The following TMEM61 variants were observed in gnomAD, a reference collection of about 807,000 sequenced individuals.
TMEM61 encodes the protein transmembrane protein 61.
A neutral mutation model predicts 12.0 loss-of-function variants in TMEM61; 13 were observed. The ratio of observed to expected loss-of-function variants is 1.08; its 90% CI spans 0.70 to 1.72. The LOEUF (loss-of-function observed/expected upper bound fraction) is 1.72, where lower values mean the gene tolerates loss of function less well. Ranked by LOEUF, TMEM61 falls within the 40% of genes most tolerant of loss-of-function variation. The pLI, the probability that TMEM61 is intolerant of heterozygous loss-of-function variation, is 0.00. For synonymous variants in TMEM61, 109 were observed against 121.4 expected, an observed-to-expected ratio of 0.90 and a Z score of 0.67; for missense variants, 249 against 276.9, an observed-to-expected ratio of 0.90 and a Z score of 0.71.
At position 54,986,225 on chromosome 1, in the gene TMEM61, C is replaced by A. The variant is rs757809970; in HGVS notation, c.144C>A (p.Gly48=). The change falls in exon 2 of 3, where the codon GGC becomes GGA. Residue 48 remains glycine (G), a synonymous_variant. Transcript: ENST00000371268. ...WSEGDATAQP[G]QLAPPTEYPV... ...AAGGGGATGCAACCGCCCAGCCTGG[C>A]CAGCTGGCCCCACCCACGGAGTATC... is the stretch of plus-strand genomic sequence containing the variant. 1.4e-5 allele frequency: 22 copies of A among 1,613,686 alleles called. No homozygotes were observed. The South Asian group carries it at 2.4e-4, about 18-fold the overall frequency.
rs140158363 is a variant in TMEM61 at position 54,981,065 on chromosome 1, G to T, written c.-1G>T. ...GGACAGCGCCTGCTGCCCGCCTCCC[G>T]ATGGCCCTGCCCCAGGTGGGTGGAA... On this transcript the variant is annotated 5_prime_UTR_variant, in exon 1 of 3. Transcript: ENST00000371268. The T allele has an allele frequency of 2.8e-5, 44 of 1,584,560 alleles. No individual in the cohort carries two copies. The East Asian group carries it at 1.0e-3, about 36-fold the overall frequency.
chr1:54,989,248 G>A (rs1014331493), intron 2 of TMEM61, among the ~76,000 whole-genome samples: 8 of 152,220 alleles, frequency 5.3e-5, no homozygotes, highest in African/African-American at 1.4e-4. Context: ...GCAGTCAGAC[G>A]AAGCTGGGGC....
intron 1 of TMEM61, among the ~76,000 whole-genome samples, chr1:54,984,288 C>T (rs1644243971): frequency 6.6e-6 from 1 of 152,232 alleles, no homozygotes; most frequent in African/African-American, 2.4e-5. Flanking sequence ...TCTGTGGCCC[C>T]CGCTGCCTGC....
At chr1:54,984,285 C>T (rs1644243920) in intron 1 of TMEM61, among the ~76,000 whole-genome samples, 1 of 152,202 alleles carries the variant, frequency 6.6e-6, no homozygotes. Flanking sequence ...AGGTCTGTGG[C>T]CCCCGCTGCC....
In TMEM61 at chr1:54,981,081, G is replaced by A. The variant is rs1181473987; in HGVS notation, c.15+1G>A. 1.3e-6 allele frequency: 2 copies of A among 1,588,768 alleles called. No homozygotes were observed. Among genetic ancestry groups the A allele is most frequent in the Middle Eastern group, 1.7e-4 (1 of 6,048 alleles). On this transcript the variant is annotated splice_donor_variant, in intron 1 of 2. Transcript: ENST00000371268. LOFTEE classifies it high-confidence loss of function. Reference sequence around the variant, plus strand: ...CCGCCTCCCGATGGCCCTGCCCCAGGTGGGTGGAAACGGCCTTCTCCCTCC... The same window carrying A: ...CCGCCTCCCGATGGCCCTGCCCCAGATGGGTGGAAACGGCCTTCTCCCTCC...
intron 2 of TMEM61, among the ~76,000 whole-genome samples, chr1:54,988,739 G>A (rs1247341966): frequency 6.6e-6 from 1 of 152,202 alleles, no homozygotes; most frequent in Non-Finnish European, 1.5e-5. Context: ...TATTGATTGA[G>A]CACACGTAGG....
chr1:54,981,219 A>G (rs1489212071), intron 1 of TMEM61, 139 bp downstream of exon 1: 8 of 948,112 alleles, frequency 8.4e-6, no homozygotes, highest in Non-Finnish European at 1.2e-5. Flanking sequence ...CCTGGGTTTT[A>G]TCTTGCTGGG....
At chr1:54,988,485 C>T (rs1300277341) in intron 2 of TMEM61, among the ~76,000 whole-genome samples, 1 of 152,242 alleles carries the variant, frequency 6.6e-6, no homozygotes, top group Non-Finnish European at 1.5e-5. Flanking sequence ...TGGAGGTGCT[C>T]TTTCCTGTCC....
chr1:54,981,737 G>T (rs1364203307), intron 1 of TMEM61, among the ~76,000 whole-genome samples: 1 of 152,090 alleles, frequency 6.6e-6, no homozygotes, highest in East Asian at 1.9e-4. Flanking sequence ...TCTGTCCTCC[G>T]GACTCTCCTG....
intron 1 of TMEM61, among the ~76,000 whole-genome samples, chr1:54,983,131 T>TTTTTTTG (rs1644235283): frequency 6.8e-6 from 1 of 146,904 alleles, no homozygotes; most frequent in Non-Finnish European, 1.5e-5. Context: ...TGTTTTTTTT[T>TTTTTTTG]GAGAAAGAGT....
chr1:54,991,946 G>T lies in TMEM61; in HGVS notation c.476G>T (p.Ser159Ile), dbSNP rs1464398154. 6.2e-7 allele frequency: 1 copy of T among 1,614,102 alleles called. No individual in the cohort carries two copies. The highest frequency in any genetic ancestry group is 8.5e-7 in the Non-Finnish European group (1 of 1,180,050). Reference sequence around the variant, plus strand: ...CCTACGGAGGAAGCCCTGGAGCCAAGTGGATCGAGGGATGCCCTGCTCAGC... The same window carrying T: ...CCTACGGAGGAAGCCCTGGAGCCAATTGGATCGAGGGATGCCCTGCTCAGC... Reference protein sequence around the residue: ...AYPTEEALEPSGSRDALLSTQ... With the variant: ...AYPTEEALEPIGSRDALLSTQ... Residue 159 changes from serine (S) to isoleucine (I), a missense_variant, in exon 3 of 3, where the codon AGT becomes ATT. Ser to Ile is a moderately radical substitution (Grantham distance 142). Transcript: ENST00000371268.
At chr1:54,984,229 C>A (rs1570257826) in intron 1 of TMEM61, among the ~76,000 whole-genome samples, 1 of 152,210 alleles carries the variant, frequency 6.6e-6, no homozygotes, top group Non-Finnish European at 1.5e-5. Context: ...GTTGGCTGGG[C>A]AAGCCCCACT....
chr1:54,981,142 G>A (rs1309709390), intron 1 of TMEM61, 62 bp downstream of exon 1: 3 of 1,536,312 alleles, frequency 2.0e-6, no homozygotes, highest in Admixed American at 2.0e-5. Flanking sequence ...CGTCGACCTT[G>A]CCCCGACCCC....
chr1:54,991,679 T>C (rs1175734382), intron 2 of TMEM61, among the ~76,000 whole-genome samples, 157 bp from the exon 3 acceptor site: 1 of 152,190 alleles, frequency 6.6e-6, no homozygotes, highest in Non-Finnish European at 1.5e-5. Context: ...GGCTGGCTCA[T>C]GCCAAGTTTC....
At chr1:54,990,449 C>G (rs1010656285) in intron 2 of TMEM61, among the ~76,000 whole-genome samples, 4 of 152,084 alleles carry the variant, frequency 2.6e-5, no homozygotes, top group Non-Finnish European at 5.9e-5. Context: ...GGGTGCTGGG[C>G]GTTCACCTGA....
In TMEM61 at chr1:54,986,243, G is replaced by C. The variant is rs922467669; in HGVS notation, c.162G>C (p.Thr54=). The part of the protein sequence containing the change: ...TAQPGQLAPP[T]EYPVPEGPSP... Reference sequence around the variant, plus strand: ...AGCCTGGCCAGCTGGCCCCACCCACGGAGTATCCGGTGCCTGAGGGCCCCA... The same window carrying C: ...AGCCTGGCCAGCTGGCCCCACCCACCGAGTATCCGGTGCCTGAGGGCCCCA... Residue 54 remains threonine (T), a synonymous_variant, in exon 2 of 3, where the codon ACG becomes ACC. Coordinates refer to ENST00000371268, the MANE Select transcript of TMEM61 (RefSeq NM_182532.3). 6.2e-7 allele frequency: 1 copy of C among 1,613,770 alleles called. No individual in the cohort carries two copies. Among genetic ancestry groups the C allele is most frequent in the Admixed American group, 1.7e-5 (1 of 60,026 alleles).
At chr1:54,988,153 A>G (rs2101636437) in intron 2 of TMEM61, among the ~76,000 whole-genome samples, 1 of 152,364 alleles carries the variant, frequency 6.6e-6, no homozygotes, top group South Asian at 2.1e-4. Context: ...AGAAAGACCA[A>G]GTGACCTAGC....
intron 2 of TMEM61, among the ~76,000 whole-genome samples, chr1:54,987,968 C>G (rs1644271487): frequency 6.6e-6 from 1 of 152,272 alleles, no homozygotes; most frequent in South Asian, 2.1e-4. Flanking sequence ...GCAGTACAGT[C>G]AGCCCTTTCT....
Position 54,980,755 on chromosome 1 carries a change from G to A in TMEM61, c.-311G>A, listed in dbSNP as rs1456606269. 2 of 309,828 alleles carry A rather than the reference G, an allele frequency of 6.5e-6. No homozygotes were observed. Among genetic ancestry groups the A allele is most frequent in the African/African-American group, 4.3e-5 (2 of 46,018 alleles). The allele number at this position is 309,828 out of a possible 1,614,324, so 19.2% of individuals were successfully genotyped here. A position where few individuals can be genotyped will look rare whatever the true frequency, so the allele number is the denominator to read the frequency against. ...CCCCACGGCAGCCTCAGAGCCCCGC[G>A]GGGAGCGCGCAGCCCTCGGGGCGGG... On this transcript the variant is annotated 5_prime_UTR_variant, in exon 1 of 3. Coordinates refer to ENST00000371268, the MANE Select transcript of TMEM61 (RefSeq NM_182532.3).
Sources: gnomAD v4.1 joint callset for allele counts (sites outside exome capture counted in the v4.1 genomes callset) on GRCh38, gnomAD v4.1.1 for gene constraint, MANE v1.5 for transcripts, NCBI Gene and HGNC (gene_info 2026-07-23, HGNC 2026-07-21) for gene names.